The following HPX variants were observed in gnomAD, a reference collection of about 807,000 sequenced individuals.
HPX encodes the protein hemopexin.
HPX carries 42 observed loss-of-function variants against 53.8 expected under a neutral mutation model. That is an observed-to-expected ratio of 0.78 (90% CI 0.61 to 1.01). The LOEUF is 1.01. Among genes scored for constraint, HPX ranks in the 50% least tolerant of loss-of-function variants. The pLI, the probability that HPX is intolerant of heterozygous loss-of-function variation, is 0.00. For synonymous variants in HPX, 229 were observed against 221.1 expected (o/e 1.04, Z -0.32); for missense variants, 547 against 594.3 (o/e 0.92, Z 0.83).
chr11:6,433,118 C>T (rs777269884), intron 7 of HPX, among the ~76,000 whole-genome samples: 8 of 152,216 alleles, frequency 5.3e-5, no homozygotes, highest in East Asian at 1.9e-4. Flanking sequence ...GCTGAGTCCA[C>T]GAAAGCTGAG....
chr11:6,434,315 C>G (rs1296761883), intron 7 of HPX, among the ~76,000 whole-genome samples: 1 of 152,110 alleles, frequency 6.6e-6, no homozygotes, highest in Non-Finnish European at 1.5e-5. Flanking sequence ...TGCTCAGGAA[C>G]CATATTTATT....
chr11:6,432,841 T>C (rs1310065204), intron 7 of HPX, among the ~76,000 whole-genome samples: 1 of 152,202 alleles, frequency 6.6e-6, no homozygotes, highest in African/African-American at 2.4e-5. Flanking sequence ...CTCTTCTCTC[T>C]CTACCTTCAC....
chr11:6,435,108 C>T (rs897188310), intron 7 of HPX, among the ~76,000 whole-genome samples: 1 of 150,312 alleles, frequency 6.7e-6, no homozygotes, highest in Non-Finnish European at 1.5e-5. Flanking sequence ...CATTGTAACC[C>T]AAAAAAAAAT....
At chr11:6,432,256 G>T in intron 7 of HPX, 1 of 555,620 alleles carries the variant, frequency 1.8e-6, no homozygotes, top group Non-Finnish European at 3.2e-6. Context: ...GAAAACAGTG[G>T]CTAAGTTTCC....
chr11:6,431,108 G>T lies in HPX; in HGVS notation c.*103C>A. ...AAACTGGGGAGGTGGGGCCAGGCCA[G>T]ACTCATGTCAGAAGGCCCCTCAGTG... On this transcript the variant is annotated 3_prime_UTR_variant, in exon 10 of 10. Coordinates refer to ENST00000265983, the MANE Select transcript of HPX (RefSeq NM_000613.3). 6.7e-7 allele frequency: 1 copy of T among 1,497,072 alleles called. No homozygotes were observed. The highest frequency in any genetic ancestry group is 9.0e-7 in the Non-Finnish European group (1 of 1,106,208). 92.7% of individuals were successfully genotyped at this position (1,497,072 alleles called of 1,614,324 possible).
intron 7 of HPX, among the ~76,000 whole-genome samples, chr11:6,432,790 C>T (rs1038474947): frequency 3.9e-5 from 6 of 152,290 alleles, no homozygotes; most frequent in African/African-American, 1.4e-4. Flanking sequence ...TTTTCTTCAA[C>T]CTGATATCTA....
chr11:6,440,084 T>G (rs868645189), intron 4 of HPX, 81 bp downstream of exon 4: 2 of 1,581,768 alleles, frequency 1.3e-6, no homozygotes, highest in Middle Eastern at 4.1e-4. Context: ...ATGGGCTCCA[T>G]GCCAAGGCCA....
chr11:6,438,967 C>A (rs1335852561), intron 4 of HPX, among the ~76,000 whole-genome samples: 1 of 152,170 alleles, frequency 6.6e-6, no homozygotes, highest in Non-Finnish European at 1.5e-5. Context: ...GTTCACTGTA[C>A]AAAAGCAGAA....
chr11:6,440,326 C>A (rs749319857), intron 3 of HPX, 40 bp from the exon 4 acceptor site: 2 of 1,612,148 alleles, frequency 1.2e-6, no homozygotes, highest in Non-Finnish European at 8.5e-7. Context: ...CAGTGAGAAA[C>A]CTTTGACCTA....
rs149506788 is a variant in HPX, at chr11:6,440,501, G to A, written c.180C>T (p.Thr60=). 2.7e-5 allele frequency: 43 copies of A among 1,597,190 alleles called. No homozygotes were observed. The African/African-American group carries it at 5.6e-4, about 21-fold the overall frequency. The part of the protein sequence containing the change: ...CSDGWSFDAT[T]LDDNGTMLFF... ...ACAGCATGGTTCCATTGTCATCCAG[G>A]GTGGTAGCATCAAAGCTCCAGCCAT... The change falls in exon 3 of 10, where the codon ACC becomes ACT. Residue 60 remains threonine (T), a synonymous_variant. Transcript: ENST00000265983.
intron 7 of HPX, among the ~76,000 whole-genome samples, chr11:6,436,367 T>C (rs1849416524): frequency 6.6e-6 from 1 of 152,228 alleles, no homozygotes; most frequent in African/African-American, 2.4e-5. Context: ...CTGTGCAGCA[T>C]GACTATTTAC....
chr11:6,435,474 GTTTT>G (rs1268624525), intron 7 of HPX, among the ~76,000 whole-genome samples: 2 of 150,630 alleles, frequency 1.3e-5, no homozygotes, highest in Non-Finnish European at 3.0e-5. Context: ...TTTTGTTTTT[GTTTT>G]TTTTGAGACA....
At chr11:6,438,277 C>T in intron 5 of HPX, 79 bp downstream of exon 5, 1 of 1,428,222 alleles carries the variant, frequency 7.0e-7, no homozygotes, top group Non-Finnish European at 9.7e-7. Flanking sequence ...ACCACCATCA[C>T]TACCACTATC....
chr11:6,438,507 C>T lies in HPX; in HGVS notation c.339G>A (p.Gly113=), dbSNP rs151114166. ...QGHNSVFLIK[G]DKVWVYPPEK... ...CAGGAGGGTATACCCAGACTTTGTC[C>T]CCCTGCATTCAAAAGTACTCTCTTT... Residue 113 remains glycine (G), a splice_region_variant and synonymous_variant, in exon 5 of 10, where the codon GGG becomes GGA. Transcript: ENST00000265983. 4.4e-5 allele frequency: 71 copies of T among 1,613,664 alleles called. No individual in the cohort carries two copies. The highest frequency in any genetic ancestry group is 5.8e-5 in the Non-Finnish European group (69 of 1,179,748).
chr11:6,438,667 A>G (rs1849448372), intron 4 of HPX, among the ~76,000 whole-genome samples, 158 bp from the exon 5 acceptor site: 1 of 152,174 alleles, frequency 6.6e-6, no homozygotes, highest in Non-Finnish European at 1.5e-5. Flanking sequence ...CCTTTTGCAC[A>G]TTACACACTC....
At position 6,440,505 on chromosome 11, in the gene HPX, G is replaced by A. The variant is rs1176177687; in HGVS notation, c.176C>T (p.Thr59Ile). Residue 59 changes from threonine (T) to isoleucine (I), a missense_variant, in exon 3 of 10, where the codon ACC (threonine) becomes ATC (isoleucine). Physicochemically the swap from Thr to Ile is moderately conservative, Grantham distance 89 (BLOSUM62 -1). Transcript: ENST00000265983. ...CATGGTTCCATTGTCATCCAGGGTG[G>A]TAGCATCAAAGCTCCAGCCATCTGA... Reference protein sequence around the residue: ...RCSDGWSFDATTLDDNGTMLF... With the variant: ...RCSDGWSFDAITLDDNGTMLF... The A allele has an allele frequency of 6.3e-7, 1 of 1,586,906 alleles. No individual in the cohort carries two copies. The highest frequency in any genetic ancestry group is 8.6e-7 in the Non-Finnish European group (1 of 1,168,464).
chr11:6,433,412 G>A (rs539886037), intron 7 of HPX, among the ~76,000 whole-genome samples: 1 of 152,204 alleles, frequency 6.6e-6, no homozygotes, highest in African/African-American at 2.4e-5. Flanking sequence ...CCTGACCTCA[G>A]GTGATCCACT....
intron 5 of HPX, chr11:6,437,953 A>C: frequency 1.9e-6 from 1 of 537,934 alleles, no homozygotes; most frequent in Non-Finnish European, 3.3e-6. Context: ...GAGAGAGGAA[A>C]GATTCCAAAG....
At position 6,437,487 on chromosome 11, in the gene HPX, C is replaced by T; in HGVS notation, c.656G>A (p.Arg219Lys). The change falls in exon 6 of 10, where the codon AGG becomes AAG. Residue 219 changes from arginine (R) to lysine (K), a missense_variant. Coordinates refer to ENST00000265983, the MANE Select transcript of HPX (RefSeq NM_000613.3). ...FDPVRGEVPP[R>K]YPRDVRDYFM... ...GTAGTCTCGGACATCCCGCGGGTAC[C>T]TGGGAGGCACCTCTCCCCTGACAGG... 1 of 1,614,182 alleles carries T rather than the reference C, an allele frequency of 6.2e-7. No individual in the cohort carries two copies. Among genetic ancestry groups the T allele is most frequent in the Non-Finnish European group, 8.5e-7 (1 of 1,180,030 alleles).
Sources: gnomAD v4.1 joint callset for allele counts (sites outside exome capture counted in the v4.1 genomes callset) on GRCh38, gnomAD v4.1.1 for gene constraint, MANE v1.5 for transcripts, NCBI Gene and HGNC (gene_info 2026-07-23, HGNC 2026-07-21) for gene names.